Variants in ABTB3 observed in about 807,000 individuals in gnomAD.
ABTB3 encodes the protein ankyrin repeat and BTB domain containing 3.
the ABTB3 span, among the ~76,000 whole-genome samples, chr12:107,346,236 T>C: frequency 1.3e-5 from 2 of 152,028 alleles, 1 homozygote; most frequent in Non-Finnish European, 2.9e-5. Context: ...GCTTCTGAGT[T>C]TGTGATGTGG....
chr12:107,512,332 C>T, the ABTB3 span, among the ~76,000 whole-genome samples: 1 of 152,298 alleles, frequency 6.6e-6, no homozygotes, highest in African/African-American at 2.4e-5. Context: ...TACACATGGG[C>T]TGCAAATTTG....
the ABTB3 span, among the ~76,000 whole-genome samples, chr12:107,607,794 C>T: frequency 6.6e-6 from 1 of 152,192 alleles, no homozygotes; most frequent in African/African-American, 2.4e-5. Flanking sequence ...GACCAAGGCT[C>T]CTCCGCAAAT....
the ABTB3 span, chr12:107,620,268 A>T: frequency 8.5e-5 from 122 of 1,427,360 alleles, 1 homozygote; most frequent in Admixed American, 1.3e-4. Flanking sequence ...GAGTGGGATC[A>T]CTACGGTCAT....
the ABTB3 span, among the ~76,000 whole-genome samples, chr12:107,496,536 C>T: frequency 6.6e-6 from 1 of 152,176 alleles, no homozygotes; most frequent in Non-Finnish European, 1.5e-5. Context: ...ACCGATAAAA[C>T]ATTGAGAGCT....
At chr12:107,622,691 C>G in the ABTB3 span, among the ~76,000 whole-genome samples, 1 of 152,202 alleles carries the variant, frequency 6.6e-6, no homozygotes, top group Non-Finnish European at 1.5e-5. Context: ...CCAGGGTGAT[C>G]TCGAACTCCT....
At chr12:107,426,269 C>T in the ABTB3 span, among the ~76,000 whole-genome samples, 4 of 152,146 alleles carry the variant, frequency 2.6e-5, no homozygotes, top group Non-Finnish European at 5.9e-5. Context: ...CAAGGTAGAT[C>T]GATGCGGACA....
the ABTB3 span, among the ~76,000 whole-genome samples, chr12:107,379,425 T>C: frequency 1.3e-5 from 2 of 152,154 alleles, no homozygotes; most frequent in African/African-American, 4.8e-5. Flanking sequence ...CGAGATCTGA[T>C]GGTTTTATAA....
chr12:107,455,408 G>A, the ABTB3 span, among the ~76,000 whole-genome samples: 64 of 152,040 alleles, frequency 4.2e-4, 1 homozygote, highest in Middle Eastern at 0.034. Context: ...TCTCAGTGGG[G>A]GATCTTACAA....
At chr12:107,523,600 A>G in the ABTB3 span, among the ~76,000 whole-genome samples, 1 of 152,208 alleles carries the variant, frequency 6.6e-6, no homozygotes, top group Non-Finnish European at 1.5e-5. Context: ...ATGTGATATA[A>G]CAAGATATAG....
chr12:107,516,636 G>A, the ABTB3 span, among the ~76,000 whole-genome samples: 1 of 152,192 alleles, frequency 6.6e-6, no homozygotes, highest in Non-Finnish European at 1.5e-5. Flanking sequence ...ATATTTAGGA[G>A]AAAGTGAGTA....
At chr12:107,592,317 A>G in the ABTB3 span, among the ~76,000 whole-genome samples, 1 of 152,232 alleles carries the variant, frequency 6.6e-6, no homozygotes, top group Non-Finnish European at 1.5e-5. Flanking sequence ...GAAAACTCTT[A>G]AACACCACTG....
At chr12:107,640,459 G>A in the ABTB3 span, 1 of 1,229,270 alleles carries the variant, frequency 8.1e-7, no homozygotes, top group Non-Finnish European at 1.2e-6. Flanking sequence ...GACTTTGGCT[G>A]TTGCTATTAC....
chr12:107,577,271 C>A, the ABTB3 span, among the ~76,000 whole-genome samples: 1 of 152,200 alleles, frequency 6.6e-6, no homozygotes, highest in Non-Finnish European at 1.5e-5. Context: ...GATGCAAACC[C>A]ACCCCACTTT....
the ABTB3 span, among the ~76,000 whole-genome samples, chr12:107,418,548 AT>A: frequency 7.2e-5 from 11 of 152,268 alleles, no homozygotes; most frequent in East Asian, 2.1e-3. Flanking sequence ...TTTTCTCAGT[AT>A]TTGGAATTGA....
chr12:107,419,196 TG>T, the ABTB3 span, among the ~76,000 whole-genome samples: 1 of 152,254 alleles, frequency 6.6e-6, no homozygotes, highest in Non-Finnish European at 1.5e-5. Context: ...GGGAACCAGC[TG>T]GGTGGAATGA....
At chr12:107,649,074 A>G in the ABTB3 span, 1 of 743,716 alleles carries the variant, frequency 1.3e-6, no homozygotes, top group African/African-American at 1.7e-5. Context: ...CACTGGTGAC[A>G]TGGAAATGGG....
chr12:107,371,378 G>A, the ABTB3 span, among the ~76,000 whole-genome samples: 4 of 152,182 alleles, frequency 2.6e-5, no homozygotes, highest in Admixed American at 2.6e-4. Context: ...TCTAGGATGA[G>A]ACTAAGCTGC....
At chr12:107,534,774 A>G in the ABTB3 span, among the ~76,000 whole-genome samples, 1 of 152,190 alleles carries the variant, frequency 6.6e-6, no homozygotes, top group African/African-American at 2.4e-5. Context: ...AACAATAACA[A>G]GTAATGAGAC....
At chr12:107,416,099 A>G in the ABTB3 span, among the ~76,000 whole-genome samples, 1 of 152,368 alleles carries the variant, frequency 6.6e-6, no homozygotes, top group East Asian at 1.9e-4. Flanking sequence ...GTCTGTGGTC[A>G]GGAACCGCAG....
Sources: gnomAD v4.1 joint callset for allele counts (sites outside exome capture counted in the v4.1 genomes callset) on GRCh38, gnomAD v4.1.1 for gene constraint, MANE v1.5 for transcripts, NCBI Gene and HGNC (gene_info 2026-07-23, HGNC 2026-07-21) for gene names.